The following TASP1 variants were observed in gnomAD, a reference collection of about 807,000 sequenced individuals.
The protein encoded by TASP1 is threonine aspartase 1.
In TASP1, 16 loss-of-function variants were observed where a neutral mutation model predicts 56.6. The observed-to-expected ratio is 0.28, with a 90% CI of 0.19 to 0.43. The LOEUF (loss-of-function observed/expected upper bound fraction) is 0.43. Among genes scored for constraint, TASP1 ranks in the 20% least tolerant of loss-of-function variants. TASP1 has a pLI of 1.00. For synonymous variants in TASP1, 179 were observed against 184.2 expected, an observed-to-expected ratio of 0.97 and a Z score of 0.23; for missense variants, 393 against 511.6, an observed-to-expected ratio of 0.77 and a Z score of 2.24.
chr20:13,241,290 A>G, the TASP1 span, among the ~76,000 whole-genome samples: 3 of 152,336 alleles, frequency 2.0e-5, no homozygotes, highest in South Asian at 4.1e-4. Context: ...AAGTCTTGCA[A>G]AAGTTTTACT....
At chr20:13,106,754 C>T in the TASP1 span, among the ~76,000 whole-genome samples, 3 of 152,326 alleles carry the variant, frequency 2.0e-5, no homozygotes, top group African/African-American at 7.2e-5. Context: ...CAACCTGAGA[C>T]CAGGGGGCTA....
chr20:13,225,965 T>C, the TASP1 span, among the ~76,000 whole-genome samples: 1 of 145,476 alleles, frequency 6.9e-6, no homozygotes. Context: ...TAAAGGTATC[T>C]CCTTTGTCTG....
chr20:13,256,615 TG>T, the TASP1 span, among the ~76,000 whole-genome samples: 3 of 152,124 alleles, frequency 2.0e-5, no homozygotes, highest in African/African-American at 7.2e-5. Context: ...ATCCTCAAGG[TG>T]GACCTTTTTG....
chr20:13,176,407 T>C, the TASP1 span, among the ~76,000 whole-genome samples: 1 of 152,192 alleles, frequency 6.6e-6, no homozygotes, highest in African/African-American at 2.4e-5. Context: ...TTATTAAGAG[T>C]GTATATCATG....
the TASP1 span, among the ~76,000 whole-genome samples, chr20:13,296,066 C>G: frequency 6.6e-6 from 1 of 152,160 alleles, no homozygotes; most frequent in Non-Finnish European, 1.5e-5. Flanking sequence ...TTGCCTTTGC[C>G]TCCCTTAATG....
At chr20:13,587,099 A>G in intron 5 of TASP1, 151 bp downstream of exon 5, 1 of 1,001,376 alleles carries the variant, frequency 1.0e-6, no homozygotes. Flanking sequence ...TATAACTAAG[A>G]CTGTATGTTT....
chr20:13,344,278 C>T, the TASP1 span, among the ~76,000 whole-genome samples: 2 of 149,584 alleles, frequency 1.3e-5, no homozygotes, highest in Admixed American at 1.3e-4. Context: ...TATATTTGCG[C>T]ACACACACAC....
At chr20:13,370,264 A>C in the TASP1 span, among the ~76,000 whole-genome samples, 2 of 152,212 alleles carry the variant, frequency 1.3e-5, no homozygotes, top group East Asian at 1.9e-4. Context: ...GAAATTATAG[A>C]GTTGAAAACA....
At position 13,629,979 on chromosome 20, in the gene TASP1, G is replaced by C; in HGVS notation, c.100C>G (p.Gln34Glu). The change falls in exon 2 of 14, where the codon CAG (glutamine) becomes GAG (glutamate). Residue 34 changes from glutamine (Q) to glutamate (E), a missense_variant. Gln to Glu is a conservative substitution (Grantham distance 29). Transcript: ENST00000337743. ...KITAKELETKQSYKEKRGGFV... is the reference protein window; with the variant it reads ...KITAKELETKESYKEKRGGFV... The stretch of plus-strand genomic sequence containing the variant: ...CCTCCTCGTTTCTCTTTATAGGACT[G>C]CTTTGTTTCCAACTCTTTGGCTGTT... 1 of 1,613,962 alleles carries C rather than the reference G, an allele frequency of 6.2e-7. No homozygotes were observed. Among genetic ancestry groups the C allele is most frequent in the Non-Finnish European group, 8.5e-7 (1 of 1,179,974 alleles).
chr20:13,433,117 C>A (rs975258331), intron 12 of TASP1, among the ~76,000 whole-genome samples: 2 of 152,088 alleles, frequency 1.3e-5, no homozygotes, highest in Non-Finnish European at 2.9e-5. Flanking sequence ...CTAATGCTAT[C>A]CGTCACCTAG....
chr20:13,434,936 T>C (rs1369833648), intron 12 of TASP1, 108 bp downstream of exon 12: 2 of 686,448 alleles, frequency 2.9e-6, no homozygotes, highest in Non-Finnish European at 4.9e-6. Flanking sequence ...CAATAAAGCA[T>C]GCTGACCCTC....
chr20:13,196,291 G>A, the TASP1 span, among the ~76,000 whole-genome samples: 1 of 152,128 alleles, frequency 6.6e-6, no homozygotes, highest in South Asian at 2.1e-4. Context: ...TATTATGCGA[G>A]TATTTTAAAA....
chr20:13,222,476 G>C, the TASP1 span, among the ~76,000 whole-genome samples: 7 of 151,908 alleles, frequency 4.6e-5, no homozygotes, highest in Non-Finnish European at 1.0e-4. Context: ...CTCTTCCTCC[G>C]GGAGCCTCGC....
intron 4 of TASP1, among the ~76,000 whole-genome samples, chr20:13,591,722 T>C (rs2047538791): frequency 6.6e-6 from 1 of 152,170 alleles, no homozygotes; most frequent in African/African-American, 2.4e-5. Context: ...AAATGATAAT[T>C]GTTTAAAGCA....
chr20:13,417,590 T>C (rs2042300671), intron 12 of TASP1, 69 bp from the exon 13 acceptor site: 1 of 1,546,902 alleles, frequency 6.5e-7, no homozygotes. Flanking sequence ...TGCTTTTTAA[T>C]AGAACAGTTA....
the TASP1 span, among the ~76,000 whole-genome samples, chr20:13,326,956 T>G: frequency 6.6e-6 from 1 of 152,196 alleles, no homozygotes. Context: ...TTGGAAGTTC[T>G]GGCCAGGACA....
At chr20:13,154,432 C>A in the TASP1 span, among the ~76,000 whole-genome samples, 1 of 152,116 alleles carries the variant, frequency 6.6e-6, no homozygotes, top group African/African-American at 2.4e-5. Context: ...CAATCCTGAG[C>A]CTCCTTCTGA....
the TASP1 span, among the ~76,000 whole-genome samples, chr20:13,350,128 G>T: frequency 6.6e-6 from 1 of 152,016 alleles, no homozygotes; most frequent in Middle Eastern, 3.2e-3. Flanking sequence ...GCAAAGTCCT[G>T]TCTCAAAAAA....
At chr20:13,354,879 A>G in the TASP1 span, among the ~76,000 whole-genome samples, 2 of 152,192 alleles carry the variant, frequency 1.3e-5, no homozygotes, top group South Asian at 2.1e-4. Context: ...GGCAGATCTA[A>G]TGGATAAAAT....
Sources: gnomAD v4.1 joint callset for allele counts (sites outside exome capture counted in the v4.1 genomes callset) on GRCh38, gnomAD v4.1.1 for gene constraint, MANE v1.5 for transcripts, NCBI Gene and HGNC (gene_info 2026-07-23, HGNC 2026-07-21) for gene names.